Variants in TTC23L observed in about 807,000 individuals in gnomAD.
The protein encoded by TTC23L is tetratricopeptide repeat domain 23 like.
A neutral mutation model predicts 48.1 loss-of-function variants in TTC23L; 42 were observed. The ratio of observed to expected loss-of-function variants is 0.87; its 90% CI spans 0.68 to 1.13. The LOEUF is 1.13. Among genes scored for constraint, TTC23L ranks in the 50% most tolerant of loss-of-function variants. TTC23L has a pLI of 0.00. For synonymous variants in TTC23L, 159 were observed against 157.2 expected (o/e 1.01, Z -0.09); for missense variants, 391 against 421.0 (o/e 0.93, Z 0.62).
intron 2 of TTC23L, among the ~76,000 whole-genome samples, chr5:34,841,444 G>A (rs984141422): frequency 6.6e-6 from 1 of 152,164 alleles, no homozygotes; most frequent in Non-Finnish European, 1.5e-5. Flanking sequence ...GAGATGTTAG[G>A]GAGTTTGCCC....
intron 7 of TTC23L, chr5:34,867,527 G>A (rs1337556983): frequency 6.0e-6 from 1 of 167,956 alleles, no homozygotes; most frequent in Non-Finnish European, 1.3e-5. Flanking sequence ...CTAACAAAAG[G>A]GTGTTTCACT....
chr5:34,907,328 G>A, the TTC23L span: 1 of 152,158 alleles, frequency 6.6e-6, no homozygotes. Context: ...GCATCAGTGG[G>A]TAAGGGCCAG....
intron 4 of TTC23L, chr5:34,861,354 C>G (rs1760641262): frequency 6.0e-6 from 1 of 166,538 alleles, no homozygotes; most frequent in East Asian, 1.5e-4. Flanking sequence ...CTTCATCATC[C>G]TATTTGGGGG....
intron 4 of TTC23L, among the ~76,000 whole-genome samples, chr5:34,852,037 AT>A (rs966364795): frequency 9.4e-4 from 143 of 152,114 alleles, no homozygotes; most frequent in African/African-American, 3.4e-3. Flanking sequence ...TATCAAGTAG[AT>A]TTTTTTACTT....
downstream of TTC23L, chr5:34,899,579 T>C (rs1354496667): frequency 6.6e-6 from 1 of 152,326 alleles, no homozygotes; most frequent in Non-Finnish European, 1.5e-5. Flanking sequence ...CCAGGTGAAA[T>C]ACCCAAGAGC....
At chr5:34,898,825 AG>A (rs1348252680) in intron 10 of TTC23L, among the ~76,000 whole-genome samples, 2 of 152,134 alleles carry the variant, frequency 1.3e-5, no homozygotes, top group Non-Finnish European at 2.9e-5. Flanking sequence ...TTCAGGCTTG[AG>A]GTAGAAATAG....
chr5:34,840,417 A>G (rs755955732), intron 1 of TTC23L, among the ~76,000 whole-genome samples: 4 of 152,194 alleles, frequency 2.6e-5, no homozygotes, highest in Non-Finnish European at 5.9e-5. Flanking sequence ...TTTGAGACAT[A>G]AAGGCCAGGG....
chr5:34,868,564 A>G (rs1410215212), intron 7 of TTC23L: 1 of 185,086 alleles, frequency 5.4e-6, no homozygotes. Context: ...CATTTACAAG[A>G]CTGCCTTCAA....
chr5:34,898,829 A>T (rs1420605616), intron 10 of TTC23L, among the ~76,000 whole-genome samples: 2 of 152,182 alleles, frequency 1.3e-5, no homozygotes, highest in Non-Finnish European at 2.9e-5. Flanking sequence ...GGCTTGAGGT[A>T]GAAATAGGAG....
chr5:34,907,872 T>C, the TTC23L span: 4 of 152,152 alleles, frequency 2.6e-5, no homozygotes, highest in Non-Finnish European at 5.9e-5. Flanking sequence ...TACAATTAAA[T>C]GCTATTAAAG....
At chr5:34,845,912 T>A (rs1479725859) in intron 3 of TTC23L, among the ~76,000 whole-genome samples, 1 of 152,110 alleles carries the variant, frequency 6.6e-6, no homozygotes, top group Non-Finnish European at 1.5e-5. Context: ...AAACTAAAAA[T>A]TAGGCCAGGT....
chr5:34,850,686 A>G (rs1759602215), intron 4 of TTC23L, among the ~76,000 whole-genome samples: 1 of 152,158 alleles, frequency 6.6e-6, no homozygotes, highest in Non-Finnish European at 1.5e-5. Context: ...ATGTACACTC[A>G]GCATCAGGGA....
rs1185133925 is a variant in TTC23L, at chr5:34,880,314, T to C, written c.1077+6T>C. On this transcript the variant is annotated splice_donor_region_variant and intron_variant, in intron 9 of 10. Coordinates refer to ENST00000505624, the Ensembl canonical transcript of TTC23L. ...TCCAAAATGGAGAAAAACAGGTAAA[T>C]ATGATCAATGCATAAACAGAATTGC... The C allele has an allele frequency of 6.2e-7, 1 of 1,605,396 alleles. No homozygotes were observed. The highest frequency in any genetic ancestry group is 1.7e-5 in the Admixed American group (1 of 57,534).
intron 9 of TTC23L, 49 bp downstream of exon 9, chr5:34,880,357 C>A: frequency 1.3e-6 from 2 of 1,546,448 alleles, no homozygotes; most frequent in Non-Finnish European, 8.7e-7. Context: ...TTTATTAGAT[C>A]ACAATAGCAT....
chr5:34,869,105 T>A, intron 8 of TTC23L, 92 bp downstream of exon 8: 1 of 1,054,144 alleles, frequency 9.5e-7, no homozygotes, highest in Non-Finnish European at 1.4e-6. Flanking sequence ...ATTAGCTATT[T>A]ATTCCTGTAA....
chr5:34,880,161 A>G lies in TTC23L; in HGVS notation c.950-20A>G, dbSNP rs916721887. On this transcript the variant is annotated intron_variant, in intron 8 of 10. Transcript: ENST00000505624. ...TAAAGGTTAGCAGCTTGCCTTAAAT[A>G]ATTGTTTCAATTTTTCCAGATGCTG... 1 of 1,599,162 alleles carries G rather than the reference A, an allele frequency of 6.3e-7. No individual in the cohort carries two copies. Among genetic ancestry groups the G allele is most frequent in the African/African-American group, 1.4e-5 (1 of 74,070 alleles).
the TTC23L span, among the ~76,000 whole-genome samples, chr5:34,916,961 A>G: frequency 6.6e-6 from 1 of 152,344 alleles, no homozygotes; most frequent in Middle Eastern, 3.4e-3. Flanking sequence ...CCCTTGAGCT[A>G]GGTAGTATCT....
At chr5:34,884,081 G>T (rs1366075331) in intron 9 of TTC23L, among the ~76,000 whole-genome samples, 2 of 152,094 alleles carry the variant, frequency 1.3e-5, no homozygotes, top group African/African-American at 4.8e-5. Flanking sequence ...TTTATCCCTG[G>T]GATGTAAGAA....
chr5:34,854,103 G>A (rs2150370422), intron 4 of TTC23L, among the ~76,000 whole-genome samples: 1 of 152,312 alleles, frequency 6.6e-6, no homozygotes. Context: ...GTCAAGATAA[G>A]TGAACAGGTT....
Sources: allele counts gnomAD v4.1 joint callset (sites outside exome capture counted in the v4.1 genomes callset), GRCh38; gene constraint gnomAD v4.1.1; transcripts MANE v1.5; gene names NCBI Gene and HGNC (gene_info 2026-07-23, HGNC 2026-07-21).